Variants in PTPRO observed in about 807,000 individuals in gnomAD.
The protein encoded by PTPRO is protein tyrosine phosphatase receptor type O.
PTPRO carries 62 observed loss-of-function variants against 145.2 expected under a neutral mutation model. The observed-to-expected ratio is 0.43, with a 90% CI of 0.35 to 0.53. The LOEUF (loss-of-function observed/expected upper bound fraction) is 0.53, where lower values mean the gene tolerates loss of function less well. PTPRO is among the 20% of genes least tolerant of loss of function. The probability of loss-of-function intolerance (pLI) is 0.01; values close to 1 mark genes in which losing one functional copy is unlikely to be tolerated. For missense variants in PTPRO, 1,345 were observed against 1,482.7 expected (o/e 0.91, Z 1.53); for synonymous variants, 565 against 514.7 (o/e 1.10, Z -1.32).
intron 1 of PTPRO, among the ~76,000 whole-genome samples, chr12:15,407,498 A>C (rs1939680395): frequency 6.6e-6 from 1 of 152,212 alleles, no homozygotes; most frequent in African/African-American, 2.4e-5. Flanking sequence ...CAGAAAAATC[A>C]GAAGATGTAT....
chr12:15,383,052 A>T (rs1938913812), intron 1 of PTPRO, among the ~76,000 whole-genome samples: 1 of 152,218 alleles, frequency 6.6e-6, no homozygotes, highest in Admixed American at 6.5e-5. Context: ...GCAATAGATC[A>T]GCAGATCTTA....
intron 4 of PTPRO, among the ~76,000 whole-genome samples, chr12:15,501,141 A>G (rs1217587291): frequency 1.3e-5 from 2 of 152,220 alleles, no homozygotes; most frequent in African/African-American, 4.8e-5. Context: ...ATGTGTGTTA[A>G]CATCTCTAAA....
intron 1 of PTPRO, among the ~76,000 whole-genome samples, chr12:15,424,639 A>G (rs995417645): frequency 6.6e-6 from 1 of 151,994 alleles, no homozygotes; most frequent in Non-Finnish European, 1.5e-5. Flanking sequence ...TGCATGAAAG[A>G]GGGTCACCTT....
intron 7 of PTPRO, among the ~76,000 whole-genome samples, chr12:15,513,583 C>T (rs2111173): frequency 0.69 from 104,660 of 151,912 alleles, 36,400 homozygotes; most frequent in Admixed American, 0.74. Context: ...GTTTCCAGTG[C>T]GAAAAGGTTT....
At chr12:15,489,876 C>T (rs1157087427) in intron 2 of PTPRO, among the ~76,000 whole-genome samples, 5 of 152,036 alleles carry the variant, frequency 3.3e-5, no homozygotes. Context: ...GAAAATTTGC[C>T]ACAAGAATGA....
Position 15,508,648 on chromosome 12 carries a change from G to A in PTPRO, c.1345G>A (p.Ala449Thr), listed in dbSNP as rs1942373019. 1 of 1,613,972 alleles carries A rather than the reference G, an allele frequency of 6.2e-7. No individual in the cohort carries two copies. Among genetic ancestry groups the A allele is most frequent in the African/African-American group, 1.3e-5 (1 of 74,914 alleles). ...VSVHVLSSTT[A>T]LMSWTSSQEN... is the part of the protein sequence containing the mutation. Reference sequence around the variant, plus strand: ...TGTCCACGTTTTAAGCTCAACCACTGCCTTGATGTCCTGGACATCTTCCCA... The same window carrying A: ...TGTCCACGTTTTAAGCTCAACCACTACCTTGATGTCCTGGACATCTTCCCA... Residue 449 changes from alanine to threonine, a missense_variant, in exon 7 of 27, where the codon GCC becomes ACC. Ala to Thr is a moderately conservative substitution (Grantham distance 58, BLOSUM62 0). Coordinates refer to ENST00000281171, the MANE Select transcript of PTPRO (RefSeq NM_030667.3).
intron 1 of PTPRO, among the ~76,000 whole-genome samples, chr12:15,469,164 T>A (rs763921433): frequency 6.6e-6 from 1 of 152,220 alleles, no homozygotes; most frequent in South Asian, 2.1e-4. Context: ...AATAAATGAT[T>A]AGCACCACCA....
rs542673337 is a variant in PTPRO at position 15,365,502 on chromosome 12, A to G, written c.75+42701A>G. Among the ~76,000 whole-genome samples, 3 of 152,220 alleles carry G rather than the reference A, an allele frequency of 2.0e-5. No homozygotes were observed. The South Asian group carries it at 6.2e-4, about 32-fold the overall frequency. ...CCTTTTATTACAGGATAAGACCAAG[A>G]AACATTAGAATCATTTAAACCTACA... On this transcript the variant is annotated intron_variant, in intron 1 of 26. Transcript: ENST00000281171.
intron 5 of PTPRO, among the ~76,000 whole-genome samples, chr12:15,503,021 C>A (rs73307896): frequency 0.053 from 8,003 of 152,140 alleles, 670 homozygotes; most frequent in African/African-American, 0.18. Flanking sequence ...CAAGATGATA[C>A]AGCATTCAAC....
At position 15,322,853 on chromosome 12, in the gene PTPRO, C is replaced by A; in HGVS notation, c.75+52C>A. On this transcript the variant is annotated intron_variant, in intron 1 of 26. Transcript: ENST00000281171. The surrounding 1 kb of genome is among the most constrained non-coding windows in gnomAD (Gnocchi z 6.3). ...CCCAGCGGTCCGGGCGGCAGCCGCG[C>A]TCCGGCGCCCTCGCTCTGCCGTTGG... The A allele has an allele frequency of 1.3e-6, 2 of 1,561,092 alleles. No homozygotes were observed. The highest frequency in any genetic ancestry group is 1.7e-6 in the Non-Finnish European group (2 of 1,147,372).
At chr12:15,587,332 C>T (rs1591773268) in intron 24 of PTPRO, among the ~76,000 whole-genome samples, 2 of 152,206 alleles carry the variant, frequency 1.3e-5, no homozygotes, top group Non-Finnish European at 2.9e-5. Flanking sequence ...GCAACTAGAA[C>T]ATGGAGGAGT....
intron 1 of PTPRO, among the ~76,000 whole-genome samples, chr12:15,353,934 T>C (rs772992688): frequency 1.3e-5 from 2 of 152,224 alleles, no homozygotes; most frequent in Non-Finnish European, 2.9e-5. Flanking sequence ...CTCGTTTCCA[T>C]AAAAGCTATG....
intron 12 of PTPRO, among the ~76,000 whole-genome samples, chr12:15,545,423 G>A (rs759309769): frequency 6.7e-4 from 101 of 151,108 alleles, no homozygotes; most frequent in Non-Finnish European, 2.4e-4. Flanking sequence ...TTCAGGCACA[G>A]CACTCTGCAT....
chr12:15,506,920 A>G (rs2136479885), intron 6 of PTPRO, among the ~76,000 whole-genome samples: 1 of 152,260 alleles, frequency 6.6e-6, no homozygotes, highest in African/African-American at 2.4e-5. Context: ...GACCAAACTG[A>G]GTCTTAGTGC....
intron 1 of PTPRO, among the ~76,000 whole-genome samples, chr12:15,433,571 A>T (rs139131349): frequency 1.3e-5 from 2 of 152,336 alleles, no homozygotes; most frequent in Admixed American, 6.5e-5. Flanking sequence ...AATCTTCTGC[A>T]TATGGCTAGC....
At chr12:15,471,062 G>A (rs1189772583) in intron 1 of PTPRO, among the ~76,000 whole-genome samples, 1 of 152,132 alleles carries the variant, frequency 6.6e-6, no homozygotes, top group African/African-American at 2.4e-5. Flanking sequence ...ATTGGGAGAT[G>A]GGAGTCCCTT....
At chr12:15,390,983 T>A (rs1236467738) in intron 1 of PTPRO, among the ~76,000 whole-genome samples, 4 of 152,196 alleles carry the variant, frequency 2.6e-5, no homozygotes, top group African/African-American at 9.7e-5. Context: ...TATACTCACA[T>A]GGTGGGATAA....
At chr12:15,377,063 G>T (rs1194460973) in intron 1 of PTPRO, among the ~76,000 whole-genome samples, 1 of 152,064 alleles carries the variant, frequency 6.6e-6, no homozygotes, top group African/African-American at 2.4e-5. Context: ...ACAAAGAGAT[G>T]GGGAGAGAGT....
At chr12:15,333,312 G>T (rs1866665069) in intron 1 of PTPRO, among the ~76,000 whole-genome samples, 1 of 152,112 alleles carries the variant, frequency 6.6e-6, no homozygotes, top group South Asian at 2.1e-4. Flanking sequence ...TTTCTTCAGA[G>T]AATGTATCAT....
Sources: allele counts gnomAD v4.1 joint callset (sites outside exome capture counted in the v4.1 genomes callset), GRCh38; gene constraint gnomAD v4.1.1; non-coding constraint Gnocchi (gnomAD v3.1); transcripts MANE v1.5; gene names NCBI Gene and HGNC (gene_info 2026-07-23, HGNC 2026-07-21).